The following VWC2L variants were observed in gnomAD, a reference collection of about 807,000 sequenced individuals.
VWC2L encodes von Willebrand factor C domain-containing protein 2-like.
In VWC2L, 10 loss-of-function variants were observed where a neutral mutation model predicts 21.6. The ratio of observed to expected loss-of-function variants is 0.46; its 90% CI spans 0.29 to 0.78. The LOEUF (loss-of-function observed/expected upper bound fraction) is 0.78. Ranked by LOEUF, VWC2L falls within the 30% of genes least tolerant of loss-of-function variation. VWC2L has a pLI of 0.10. For synonymous variants in VWC2L, 96 were observed against 94.3 expected, an observed-to-expected ratio of 1.02 and a Z score of -0.10; for missense variants, 209 against 277.1, an observed-to-expected ratio of 0.75 and a Z score of 1.74.
chr2:214,479,503 A>G (rs4673834), intron 3 of VWC2L, among the ~76,000 whole-genome samples: 33,870 of 152,138 alleles, frequency 0.22, 3,882 homozygotes, highest in East Asian at 0.26. Flanking sequence ...GACTGTTCCT[A>G]AATTTTTAAA....
At chr2:214,423,747 A>G (rs1702476937) in intron 2 of VWC2L, among the ~76,000 whole-genome samples, 1 of 152,168 alleles carries the variant, frequency 6.6e-6, no homozygotes, top group Non-Finnish European at 1.5e-5. Context: ...AAATTATGTA[A>G]TTAAACCAAA....
chr2:214,421,685 T>G (rs1261418565), intron 2 of VWC2L, among the ~76,000 whole-genome samples: 1 of 151,910 alleles, frequency 6.6e-6, no homozygotes, highest in Admixed American at 6.6e-5. Flanking sequence ...CATTCCTTAC[T>G]GACTCACCCA....
chr2:214,463,698 T>C lies in VWC2L; in HGVS notation c.520+26940T>C, dbSNP rs142309936. Among the ~76,000 whole-genome samples the C allele has an allele frequency of 5.3e-5, 8 of 151,698 alleles. 1 individual carries two copies. The East Asian group carries it at 1.5e-3, about 29-fold the overall frequency. ...TTGTTGGATATTTAAGCTGTAATTA[T>C]TTAATTTTTTATTTTAGTAGTTGCT... On this transcript the variant is annotated intron_variant, in intron 3 of 3. Coordinates refer to ENST00000312504, the MANE Select transcript of VWC2L (RefSeq NM_001080500.4).
At chr2:214,456,050 T>G (rs1703050292) in intron 3 of VWC2L, among the ~76,000 whole-genome samples, 1 of 152,198 alleles carries the variant, frequency 6.6e-6, no homozygotes, top group African/African-American at 2.4e-5. Context: ...TTTGGATAAA[T>G]ACACAGTAGT....
intron 3 of VWC2L, among the ~76,000 whole-genome samples, chr2:214,453,053 G>A (rs1703000171): frequency 6.6e-6 from 1 of 152,044 alleles, no homozygotes; most frequent in South Asian, 2.1e-4. Context: ...CAATGTCTTT[G>A]GGAGAGCGGT....
chr2:214,468,537 T>C (rs572191568), intron 3 of VWC2L, among the ~76,000 whole-genome samples: 28 of 152,312 alleles, frequency 1.8e-4, no homozygotes, highest in African/African-American at 5.8e-4. Flanking sequence ...ACATTTCTAA[T>C]TGACTACCTT....
At chr2:214,434,177 C>G (rs1702643271) in intron 2 of VWC2L, among the ~76,000 whole-genome samples, 1 of 152,104 alleles carries the variant, frequency 6.6e-6, no homozygotes, top group African/African-American at 2.4e-5. Context: ...CAAATATAGT[C>G]TTATCACTAA....
intron 3 of VWC2L, among the ~76,000 whole-genome samples, chr2:214,520,773 C>T (rs1009074198): frequency 6.6e-6 from 1 of 151,696 alleles, no homozygotes; most frequent in South Asian, 2.1e-4. Flanking sequence ...ACTACATATG[C>T]GATATGATCT....
intron 3 of VWC2L, among the ~76,000 whole-genome samples, chr2:214,509,539 G>T (rs1313289234): frequency 6.6e-6 from 1 of 152,118 alleles, no homozygotes; most frequent in African/African-American, 2.4e-5. Context: ...GGATATCGTA[G>T]ATTTGGATGG....
chr2:214,573,211 T>C (rs879570112), intron 3 of VWC2L, among the ~76,000 whole-genome samples: 9 of 152,182 alleles, frequency 5.9e-5, no homozygotes, highest in Admixed American at 2.6e-4. Context: ...CAGCCTCCCG[T>C]GAGCCAGTAG....
At chr2:214,437,710 T>TAA (rs1702698137) in intron 3 of VWC2L, among the ~76,000 whole-genome samples, 1 of 152,174 alleles carries the variant, frequency 6.6e-6, no homozygotes, top group South Asian at 2.1e-4. Context: ...GCTCACCTAC[T>TAA]AATCTTTTCC....
intron 3 of VWC2L, among the ~76,000 whole-genome samples, chr2:214,498,050 C>T (rs895494910): frequency 6.6e-6 from 1 of 152,098 alleles, no homozygotes; most frequent in Non-Finnish European, 1.5e-5. Flanking sequence ...AGAGGCTCCA[C>T]CCGCTTCAAC....
intron 3 of VWC2L, among the ~76,000 whole-genome samples, chr2:214,482,863 T>C (rs962988056): frequency 6.6e-6 from 1 of 152,048 alleles, no homozygotes; most frequent in Non-Finnish European, 1.5e-5. Context: ...CTAAGACCTA[T>C]TGTCCTGGAT....
intron 2 of VWC2L, among the ~76,000 whole-genome samples, chr2:214,435,556 G>A (rs1231519151): frequency 6.6e-6 from 1 of 152,186 alleles, no homozygotes; most frequent in Non-Finnish European, 1.5e-5. Flanking sequence ...ATCCAGGGAA[G>A]AAATAAGAGC....
At chr2:214,424,729 A>T (rs1702496762) in intron 2 of VWC2L, among the ~76,000 whole-genome samples, 1 of 152,196 alleles carries the variant, frequency 6.6e-6, no homozygotes, top group Non-Finnish European at 1.5e-5. Flanking sequence ...AGTTTAAGAA[A>T]TATTTTTCTA....
intron 3 of VWC2L, among the ~76,000 whole-genome samples, chr2:214,531,331 C>T (rs141056016): frequency 1.3e-5 from 2 of 152,278 alleles, no homozygotes; most frequent in Non-Finnish European, 2.9e-5. Context: ...TAAGGAAACA[C>T]TGCCAAATAA....
rs189398181 is a variant in VWC2L at position 214,437,880 on chromosome 2, T to C, written c.520+1122T>C. Among the ~76,000 whole-genome samples, 36 of 152,270 alleles carry C rather than the reference T, an allele frequency of 2.4e-4. No homozygotes were observed. The East Asian group carries it at 6.4e-3, about 27-fold the overall frequency. Reference sequence around the variant, plus strand: ...CTTCCAAAGGACTTATTAAAAACCTTTGTGACATTTTCCAGATACACGTTT... The same window carrying C: ...CTTCCAAAGGACTTATTAAAAACCTCTGTGACATTTTCCAGATACACGTTT... On this transcript the variant is annotated intron_variant, in intron 3 of 3. Transcript: ENST00000312504.
At chr2:214,551,982 T>C (rs939170281) in intron 3 of VWC2L, among the ~76,000 whole-genome samples, 1 of 152,230 alleles carries the variant, frequency 6.6e-6, no homozygotes, top group Non-Finnish European at 1.5e-5. Context: ...CCTGTCCCCA[T>C]CCTTATCTTT....
intron 3 of VWC2L, among the ~76,000 whole-genome samples, chr2:214,539,158 A>T (rs181686431): frequency 6.6e-6 from 1 of 152,226 alleles, no homozygotes; most frequent in East Asian, 1.9e-4. Flanking sequence ...TTTGGAGACT[A>T]CTGCACTTGA....
Sources: allele counts gnomAD v4.1 joint callset (sites outside exome capture counted in the v4.1 genomes callset), GRCh38; gene constraint gnomAD v4.1.1; transcripts MANE v1.5; gene names NCBI Gene and HGNC (gene_info 2026-07-23, HGNC 2026-07-21).